The following CSRP1 variants were observed in gnomAD, a reference collection of about 807,000 sequenced individuals.
The protein encoded by CSRP1 is cysteine and glycine-rich protein 1.
CSRP1 carries 16 observed loss-of-function variants against 25.4 expected under a neutral mutation model. The ratio of observed to expected loss-of-function variants is 0.63; its 90% CI spans 0.43 to 0.96. The LOEUF is 0.96. Among genes scored for constraint, CSRP1 ranks in the 40% least tolerant of loss-of-function variants. The probability of loss-of-function intolerance (pLI) is 0.00; values close to 1 mark genes in which losing one functional copy is unlikely to be tolerated. For synonymous variants in CSRP1, 97 were observed against 95.3 expected (o/e 1.02, Z -0.10); for missense variants, 212 against 243.6 (o/e 0.87, Z 0.86).
rs112032107 is a variant in CSRP1 at position 201,484,437 on chromosome 1, C to T, written c.*276G>A. 51 of 533,688 alleles carry T rather than the reference C, an allele frequency of 9.6e-5. No homozygotes were observed. Among genetic ancestry groups the T allele is most frequent in the East Asian group, 6.8e-4 (23 of 33,750 alleles). The allele number at this position is 533,688 out of a possible 1,614,324, so 33.1% of individuals were successfully genotyped here. ...AGGCTAAGAACAGAGCTCTGTGGGG[C>T]GAGGTGTGGGGAGAGGGGCCTGCTC... On this transcript the variant is annotated 3_prime_UTR_variant, in exon 6 of 6. Transcript: ENST00000340006.
At chr1:201,502,181 T>G (rs913293146) in intron 1 of CSRP1, among the ~76,000 whole-genome samples, 2 of 152,088 alleles carry the variant, frequency 1.3e-5, no homozygotes, top group African/African-American at 4.8e-5. Flanking sequence ...ATCCCATCTC[T>G]CCCATTCCAA....
intron 2 of CSRP1, 70 bp from the exon 3 acceptor site, chr1:201,490,414 T>G: frequency 6.7e-7 from 1 of 1,496,748 alleles, no homozygotes; most frequent in Non-Finnish European, 9.2e-7. Flanking sequence ...ATTGCAAGCT[T>G]CTTACAGCTG....
At chr1:201,490,375 G>A (rs1215797988) in intron 2 of CSRP1, 31 bp from the exon 3 acceptor site, 2 of 1,608,538 alleles carry the variant, frequency 1.2e-6, no homozygotes, top group South Asian at 1.1e-5. Context: ...CGGACGCATT[G>A]AGTTGAAGCT....
chr1:201,502,702 T>C (rs1014457020), intron 1 of CSRP1, among the ~76,000 whole-genome samples: 11 of 152,210 alleles, frequency 7.2e-5, no homozygotes, highest in Admixed American at 2.0e-4. Flanking sequence ...GGAATCCTTC[T>C]CTCTATTGAA....
intron 4 of CSRP1, 42 bp downstream of exon 4, chr1:201,488,802 CATTTCAGGAAG>C (rs1664231280): frequency 1.3e-6 from 2 of 1,598,784 alleles, no homozygotes; most frequent in Non-Finnish European, 1.7e-6. Flanking sequence ...CTGGAATCCA[CATTTCAGGAAG>C]ATATCTCCCC....
chr1:201,502,968 C>G (rs1181362490), intron 1 of CSRP1, among the ~76,000 whole-genome samples: 4 of 115,482 alleles, frequency 3.5e-5, no homozygotes, highest in Non-Finnish European at 7.6e-5. Context: ...AACCCCATCT[C>G]TACTAAATAT....
intron 2 of CSRP1, among the ~76,000 whole-genome samples, chr1:201,494,231 G>A (rs1023344654): frequency 5.3e-5 from 8 of 151,824 alleles, no homozygotes; most frequent in Non-Finnish European, 7.4e-5. Context: ...CCCTCTGACC[G>A]ACTACTCCTC....
chr1:201,504,519 T>C (rs1664761071), intron 1 of CSRP1, among the ~76,000 whole-genome samples: 1 of 152,232 alleles, frequency 6.6e-6, no homozygotes, highest in Non-Finnish European at 1.5e-5. Flanking sequence ...GATCCCAAAA[T>C]ATTTAACGCA....
At chr1:201,498,652 C>T (rs1557976090) in intron 1 of CSRP1, among the ~76,000 whole-genome samples, 2 of 152,242 alleles carry the variant, frequency 1.3e-5, no homozygotes, top group South Asian at 4.1e-4. Flanking sequence ...ATCCAGGTCA[C>T]GTTCACCACT....
At position 201,484,026 on chromosome 1, in the gene CSRP1, GAGA is replaced by G. The variant is rs1470045526; in HGVS notation, c.*684_*686del. ...CCATCAAGCAGGGAACTAGATGTTT[GAGA>G]AGATCAAACAACATCCTGACTTTGG... On this transcript the variant is annotated 3_prime_UTR_variant, in exon 6 of 6. Coordinates refer to ENST00000340006, the MANE Select transcript of CSRP1 (RefSeq NM_004078.3). 2 of 697,712 alleles carry G rather than the reference GAGA, an allele frequency of 2.9e-6. No individual in the cohort carries two copies. Among genetic ancestry groups the G allele is most frequent in the Non-Finnish European group, 5.2e-6 (2 of 381,196 alleles). The allele number at this position is 697,712 out of a possible 1,614,324, so 43.2% of individuals were successfully genotyped here. A position where few individuals can be genotyped will look rare whatever the true frequency, so the allele number is the denominator to read the frequency against.
intron 1 of CSRP1, among the ~76,000 whole-genome samples, chr1:201,499,226 G>A (rs1404762862): frequency 6.6e-6 from 1 of 152,210 alleles, no homozygotes; most frequent in Non-Finnish European, 1.5e-5. Context: ...AATCAGCAAT[G>A]TGTGTTATGG....
At chr1:201,489,902 A>G in intron 3 of CSRP1, 1 of 352,624 alleles carries the variant, frequency 2.8e-6, no homozygotes, top group Non-Finnish European at 5.1e-6. Context: ...AATTGGACTA[A>G]GTGATTCTTG....
chr1:201,493,836 C>T (rs1664416197), intron 2 of CSRP1, among the ~76,000 whole-genome samples: 1 of 152,342 alleles, frequency 6.6e-6, no homozygotes, highest in African/African-American at 2.4e-5. Context: ...GAACACTTAT[C>T]ACCCACTTCA....
chr1:201,504,539 AT>A (rs1255080999), intron 1 of CSRP1, among the ~76,000 whole-genome samples: 173 of 152,374 alleles, frequency 1.1e-3, no homozygotes, highest in African/African-American at 4.0e-3. Flanking sequence ...ATGTGTCTTC[AT>A]CTAGCAAGCC....
intron 4 of CSRP1, 60 bp from the exon 5 acceptor site, chr1:201,485,436 A>G (rs1664103878): frequency 6.9e-7 from 1 of 1,458,690 alleles, no homozygotes; most frequent in Admixed American, 1.7e-5. Flanking sequence ...CCTCCACCCC[A>G]GGCCCACTCC....
At chr1:201,487,698 G>C (rs1664190880) in intron 4 of CSRP1, 1 of 152,200 alleles carries the variant, frequency 6.6e-6, no homozygotes, top group Non-Finnish European at 1.5e-5. Flanking sequence ...AGCATTAACA[G>C]TAGTAACAGC....
chr1:201,493,079 G>A (rs1408116571), intron 2 of CSRP1, among the ~76,000 whole-genome samples: 1 of 152,192 alleles, frequency 6.6e-6, no homozygotes, highest in Non-Finnish European at 1.5e-5. Context: ...TCAGAGATGG[G>A]CACATAACCT....
In CSRP1 at chr1:201,484,340, C is replaced by G. The variant is rs1341110542; in HGVS notation, c.*373G>C. The G allele has an allele frequency of 4.0e-6, 2 of 504,514 alleles. No homozygotes were observed. Among genetic ancestry groups the G allele is most frequent in the African/African-American group, 3.8e-5 (2 of 52,976 alleles). The allele number at this position is 504,514 out of a possible 1,614,324, so 31.3% of individuals were successfully genotyped here. On this transcript the variant is annotated 3_prime_UTR_variant, in exon 6 of 6. Coordinates refer to ENST00000340006, the MANE Select transcript of CSRP1 (RefSeq NM_004078.3). ...GCTTCCCTCTCCCTCCAGCCTGTTG[C>G]TGCTGCTCCTCTGGGTGCCAAGATG...
At chr1:201,487,131 G>T (rs537147870) in intron 4 of CSRP1, 1 of 551,578 alleles carries the variant, frequency 1.8e-6, no homozygotes, top group Non-Finnish European at 3.0e-6. Flanking sequence ...CTGCCTTGTT[G>T]TTGGGTGTGG....
Sources: allele counts gnomAD v4.1 joint callset (sites outside exome capture counted in the v4.1 genomes callset), GRCh38; gene constraint gnomAD v4.1.1; transcripts MANE v1.5; gene names NCBI Gene and HGNC (gene_info 2026-07-23, HGNC 2026-07-21).